Variants in CUEDC1 observed in about 807,000 individuals in gnomAD.
CUEDC1 encodes the protein CUE domain-containing protein 1.
In CUEDC1, 30 loss-of-function variants were observed where a neutral mutation model predicts 43.7. That is an observed-to-expected ratio of 0.69 (90% CI 0.51 to 0.93). The LOEUF (loss-of-function observed/expected upper bound fraction) is 0.93. Ranked by LOEUF, CUEDC1 falls within the 40% of genes least tolerant of loss-of-function variation. CUEDC1 has a pLI of 0.00. For missense variants in CUEDC1, 486 were observed against 549.0 expected, an observed-to-expected ratio of 0.89 and a Z score of 1.15; for synonymous variants, 223 against 223.6, an observed-to-expected ratio of 1.00 and a Z score of 0.02.
chr17:57,885,395 A>G lies in CUEDC1; in HGVS notation c.170T>C (p.Met57Thr), dbSNP rs746885689. ...GATGTCGTAATCCATGTTGGGGAACATGGTCTTGAAGTCGTCCATGGCCTG... is the reference window on the plus strand; with the variant it reads ...GATGTCGTAATCCATGTTGGGGAACGTGGTCTTGAAGTCGTCCATGGCCTG... Reference protein sequence around the residue: ...FNQAMDDFKTMFPNMDYDIIE... With the variant: ...FNQAMDDFKTTFPNMDYDIIE... Residue 57 changes from methionine to threonine, a missense_variant, in exon 2 of 11, where the codon ATG becomes ACG. Transcript: ENST00000577830. The G allele has an allele frequency of 6.2e-7, 1 of 1,611,266 alleles. No individual in the cohort carries two copies. Among genetic ancestry groups the G allele is most frequent in the Admixed American group, 1.7e-5 (1 of 59,800 alleles).
intron 3 of CUEDC1, among the ~76,000 whole-genome samples, chr17:57,875,632 T>G (rs2074112101): frequency 6.6e-6 from 1 of 150,890 alleles, no homozygotes; most frequent in Non-Finnish European, 1.5e-5. Context: ...GCAGGCGGCC[T>G]GTGTGGAAGG....
At chr17:57,879,001 C>T (rs1175590115) in intron 3 of CUEDC1, among the ~76,000 whole-genome samples, 2 of 152,214 alleles carry the variant, frequency 1.3e-5, no homozygotes, top group Non-Finnish European at 2.9e-5. Flanking sequence ...TACAGAGTCT[C>T]TAACCTGGAA....
At chr17:57,915,472 T>C (rs1372106402) in intron 1 of CUEDC1, among the ~76,000 whole-genome samples, 1 of 152,080 alleles carries the variant, frequency 6.6e-6, no homozygotes, top group African/African-American at 2.4e-5. Flanking sequence ...GATATTAAAA[T>C]GAAGTCTTTT....
chr17:57,948,255 G>C (rs1241024422), intron 1 of CUEDC1, among the ~76,000 whole-genome samples: 3 of 152,142 alleles, frequency 2.0e-5, no homozygotes, highest in Admixed American at 2.0e-4. Flanking sequence ...GTGTGTATGG[G>C]GGCTGATGCT....
At chr17:57,879,828 T>A in intron 2 of CUEDC1, 90 bp from the exon 3 acceptor site, 1 of 1,305,976 alleles carries the variant, frequency 7.7e-7, no homozygotes, top group Admixed American at 2.4e-5. Context: ...GGAGGGCAGG[T>A]ATAATAAAGG....
intron 5 of CUEDC1, 101 bp downstream of exon 5, chr17:57,872,562 C>T (rs1186751136): frequency 1.2e-5 from 16 of 1,311,250 alleles, no homozygotes; most frequent in African/African-American, 3.0e-5. Context: ...AAGCACCTGG[C>T]CCCCTCAGCC....
chr17:57,906,213 A>G (rs1445692490), intron 1 of CUEDC1, among the ~76,000 whole-genome samples: 1 of 152,248 alleles, frequency 6.6e-6, no homozygotes, highest in Non-Finnish European at 1.5e-5. Context: ...GTGTCCATCA[A>G]TAGATAAATG....
At chr17:57,949,631 G>A (rs2074988181) in intron 1 of CUEDC1, among the ~76,000 whole-genome samples, 1 of 144,270 alleles carries the variant, frequency 6.9e-6, no homozygotes, top group Non-Finnish European at 1.5e-5. Flanking sequence ...GGAGTGCAGT[G>A]GTGCAATTTC....
intron 1 of CUEDC1, among the ~76,000 whole-genome samples, chr17:57,950,824 T>G (rs1287622478): frequency 6.6e-6 from 1 of 152,216 alleles, no homozygotes; most frequent in Non-Finnish European, 1.5e-5. Context: ...CTGACTAGGT[T>G]CCCTTCCTCC....
rs191681930 is a variant in CUEDC1, at chr17:57,944,901, C to T, written c.-316+10324G>A. On this transcript the variant is annotated intron_variant, in intron 1 of 10. Transcript: ENST00000577830. Reference sequence around the variant, plus strand: ...CATTTCCATTCGTCTTCATATTCCACGAAAACACACCAAAGCTGCCTTAGG... The same window carrying T: ...CATTTCCATTCGTCTTCATATTCCATGAAAACACACCAAAGCTGCCTTAGG... 1.1e-4 allele frequency among the ~76,000 whole-genome samples: 17 copies of T among 152,030 alleles called. No individual in the cohort carries two copies. In the East Asian group the frequency reaches 2.5e-3, roughly 22 times the overall value.
intron 1 of CUEDC1, among the ~76,000 whole-genome samples, chr17:57,940,201 C>T (rs1012196832): frequency 6.6e-6 from 1 of 151,716 alleles, no homozygotes; most frequent in African/African-American, 2.4e-5. Flanking sequence ...CCATCCCATG[C>T]CTCCTTCCCT....
chr17:57,874,459 G>T (rs2074082182), intron 3 of CUEDC1, among the ~76,000 whole-genome samples: 1 of 152,220 alleles, frequency 6.6e-6, no homozygotes, highest in Non-Finnish European at 1.5e-5. Flanking sequence ...CAGGCCCGTT[G>T]TGTGTGTGGC....
At chr17:57,874,300 G>A (rs952839784) in intron 3 of CUEDC1, among the ~76,000 whole-genome samples, 1 of 152,204 alleles carries the variant, frequency 6.6e-6, no homozygotes, top group African/African-American at 2.4e-5. Flanking sequence ...TCTAGGGCTC[G>A]GTTTCCTTAT....
At chr17:57,919,542 AAG>A (rs2074679283) in intron 1 of CUEDC1, among the ~76,000 whole-genome samples, 1 of 152,222 alleles carries the variant, frequency 6.6e-6, no homozygotes, top group Non-Finnish European at 1.5e-5. Flanking sequence ...GTACAAGTGA[AAG>A]AAGTTTGAAG....
Position 57,885,420 on chromosome 17 carries a change from G to C in CUEDC1, c.145C>G (p.Gln49Glu). 1.2e-6 allele frequency: 2 copies of C among 1,605,560 alleles called. No homozygotes were observed. Among genetic ancestry groups the C allele is most frequent in the Non-Finnish European group, 1.7e-6 (2 of 1,177,234 alleles). Residue 49 changes from glutamine to glutamate, a missense_variant, in exon 2 of 11, where the codon CAG (glutamine) becomes GAG (glutamate). By Grantham distance (29) the Gln-to-Glu change is conservative. Coordinates refer to ENST00000577830, the MANE Select transcript of CUEDC1 (RefSeq NM_001271875.2). ...ATGGTCTTGAAGTCGTCCATGGCCTGGTTGAACTCCAGGCGGCGCACCTGG... is the reference window on the plus strand; with the variant it reads ...ATGGTCTTGAAGTCGTCCATGGCCTCGTTGAACTCCAGGCGGCGCACCTGG... ...ARQVRRLEFNQAMDDFKTMFP... is the reference protein window; with the variant it reads ...ARQVRRLEFNEAMDDFKTMFP...
intron 1 of CUEDC1, among the ~76,000 whole-genome samples, chr17:57,946,412 T>C (rs2074960133): frequency 6.6e-6 from 1 of 152,214 alleles, no homozygotes; most frequent in South Asian, 2.1e-4. Context: ...GCTGATTTTC[T>C]AGGGTAATGA....
chr17:57,883,722 C>CA (rs949420188), intron 2 of CUEDC1, among the ~76,000 whole-genome samples: 7 of 151,230 alleles, frequency 4.6e-5, no homozygotes, highest in African/African-American at 1.2e-4. Flanking sequence ...GACTCTGTCT[C>CA]AAAAAAACAA....
intron 1 of CUEDC1, among the ~76,000 whole-genome samples, chr17:57,937,733 T>C (rs1164073492): frequency 6.6e-6 from 1 of 151,900 alleles, no homozygotes; most frequent in Non-Finnish European, 1.5e-5. Flanking sequence ...AGCAAGACCC[T>C]ATCTCTACAA....
chr17:57,868,651 T>C (rs16942481), intron 7 of CUEDC1, among the ~76,000 whole-genome samples: 5,792 of 152,292 alleles, frequency 0.038, 406 homozygotes, highest in African/African-American at 0.13. Context: ...GAGATTTTCC[T>C]TGAAATGGAG....
Sources: gnomAD v4.1 joint callset for allele counts (sites outside exome capture counted in the v4.1 genomes callset) on GRCh38, gnomAD v4.1.1 for gene constraint, MANE v1.5 for transcripts, NCBI Gene and HGNC (gene_info 2026-07-23, HGNC 2026-07-21) for gene names.